The following DNAJC3 variants were observed in gnomAD, a reference collection of about 807,000 sequenced individuals.
The protein encoded by DNAJC3 is dnaJ homolog subfamily C member 3.
In DNAJC3, 38 loss-of-function variants were observed where a neutral mutation model predicts 68.6. The ratio of observed to expected loss-of-function variants is 0.55; its 90% CI spans 0.43 to 0.73. The LOEUF (loss-of-function observed/expected upper bound fraction) is 0.73. DNAJC3 is among the 30% of genes least tolerant of loss of function. The pLI, the probability that DNAJC3 is intolerant of heterozygous loss-of-function variation, is 0.00. For missense variants in DNAJC3, 526 were observed against 591.9 expected, an observed-to-expected ratio of 0.89 and a Z score of 1.16; for synonymous variants, 203 against 204.0, an observed-to-expected ratio of 1.00 and a Z score of 0.04.
chr13:95,762,737 T>C (rs1882862434), intron 7 of DNAJC3, among the ~76,000 whole-genome samples: 1 of 152,140 alleles, frequency 6.6e-6, no homozygotes, highest in South Asian at 2.1e-4. Context: ...CCCACATGCA[T>C]TAGCTATTTG....
chr13:95,716,989 C>T (rs1351525347), intron 2 of DNAJC3, among the ~76,000 whole-genome samples: 2 of 152,164 alleles, frequency 1.3e-5, no homozygotes, highest in Admixed American at 6.5e-5. Flanking sequence ...TCCCTGCCCC[C>T]CTCCCATATC....
At chr13:95,737,738 G>C (rs1320586174) in intron 4 of DNAJC3, among the ~76,000 whole-genome samples, 2 of 148,804 alleles carry the variant, frequency 1.3e-5, no homozygotes, top group African/African-American at 2.5e-5. Flanking sequence ...TCTTGCTAGT[G>C]GTCTATCAAT....
At chr13:95,690,899 C>G (rs1157878753) in intron 1 of DNAJC3, among the ~76,000 whole-genome samples, 1 of 129,176 alleles carries the variant, frequency 7.7e-6, no homozygotes, top group Non-Finnish European at 1.6e-5. Context: ...CCAGACGGGG[C>G]GGCTGGCCGG....
Position 95,746,765 on chromosome 13 carries a change from T to C in DNAJC3, c.394-10879T>C, listed in dbSNP as rs150258729. Among the ~76,000 whole-genome samples, 216 of 152,330 alleles carry C rather than the reference T, an allele frequency of 1.4e-3. 2 individuals are homozygous for C. Among genetic ancestry groups the C allele is most frequent in the Non-Finnish European group, 2.3e-3 (156 of 68,026 alleles). ...GGTGCTGGATACAGCCAGGTGGATA[T>C]GTTTAGCTACATTTTATATAAAAGA... On this transcript the variant is annotated intron_variant, in intron 4 of 11. Transcript: ENST00000602402.
chr13:95,756,424 A>C (rs1342092509), intron 4 of DNAJC3, among the ~76,000 whole-genome samples: 1 of 152,232 alleles, frequency 6.6e-6, no homozygotes. Flanking sequence ...GTTCTTCACA[A>C]GTCAAGGGTT....
Position 95,723,309 on chromosome 13 carries a change from A to G in DNAJC3, c.261A>G (p.Ser87=), listed in dbSNP as rs373858454. The G allele has an allele frequency of 6.5e-5, 105 of 1,611,750 alleles. 1 individual carries two copies. The highest frequency in any genetic ancestry group is 1.6e-4 in the Middle Eastern group (1 of 6,068). Residue 87 remains serine, a synonymous_variant, in exon 3 of 12, where the codon TCA becomes TCG. Coordinates refer to ENST00000602402, the MANE Select transcript of DNAJC3 (RefSeq NM_006260.5). ...RATVFLAMGK[S]KAALPDLTKV... ...CTGTCTTTTTAGCTATGGGCAAATC[A>G]AAAGCTGCACTTCCTGATTTAACTA...
At chr13:95,731,948 C>T (rs1281680483) in intron 4 of DNAJC3, among the ~76,000 whole-genome samples, 1 of 147,448 alleles carries the variant, frequency 6.8e-6, no homozygotes, top group East Asian at 2.0e-4. Flanking sequence ...CTTTGTTGCA[C>T]AGGCTGGTCT....
chr13:95,681,289 G>A (rs993535974), intron 1 of DNAJC3, among the ~76,000 whole-genome samples: 1 of 152,164 alleles, frequency 6.6e-6, no homozygotes, highest in Non-Finnish European at 1.5e-5. Context: ...TACCTTATAG[G>A]TAAACACGGA....
chr13:95,744,762 A>G (rs1398781966), intron 4 of DNAJC3: 3 of 152,232 alleles, frequency 2.0e-5, no homozygotes, highest in African/African-American at 7.2e-5. Context: ...GACAGAAGAT[A>G]AAAGAATATT....
chr13:95,704,851 G>GTGTTTTTTTTTTTTTTTTTTTTTTT (rs1555323371), intron 1 of DNAJC3, among the ~76,000 whole-genome samples: 8 of 97,856 alleles, frequency 8.2e-5, no homozygotes, highest in African/African-American at 4.8e-4. Flanking sequence ...GTGTGTGTGT[G>GTGTTTTTTTTTTTTTTTTTTTTTTT]TTTTTTTTTT....
intron 9 of DNAJC3, among the ~76,000 whole-genome samples, chr13:95,764,506 A>G (rs75802360): frequency 0.015 from 2,223 of 149,294 alleles, 60 homozygotes; most frequent in African/African-American, 0.052. Flanking sequence ...GACAGCTGCT[A>G]CCCTATTTTG....
At chr13:95,698,324 G>A (rs1316549255) in intron 1 of DNAJC3, among the ~76,000 whole-genome samples, 1 of 152,172 alleles carries the variant, frequency 6.6e-6, no homozygotes, top group Admixed American at 6.5e-5. Context: ...GATTCACTGT[G>A]TTGTTTCAGG....
intron 11 of DNAJC3, 68 bp downstream of exon 11, chr13:95,787,223 G>A: frequency 1.3e-6 from 2 of 1,559,624 alleles, no homozygotes; most frequent in Non-Finnish European, 1.7e-6. Flanking sequence ...GGAACATGTG[G>A]TGGGTTCTCC....
intron 1 of DNAJC3, among the ~76,000 whole-genome samples, chr13:95,706,680 A>G (rs1183829186): frequency 2.0e-5 from 3 of 152,026 alleles, no homozygotes; most frequent in Non-Finnish European, 4.4e-5. Context: ...ACAAGGGGGG[A>G]AAACTACTTC....
intron 1 of DNAJC3, 119 bp downstream of exon 1, chr13:95,677,456 G>A: frequency 9.5e-7 from 1 of 1,051,552 alleles, no homozygotes; most frequent in Non-Finnish European, 1.3e-6. Flanking sequence ...AGCGCTGGGG[G>A]AGCCCGCGGC....
chr13:95,751,243 A>G (rs9302084), intron 4 of DNAJC3, among the ~76,000 whole-genome samples: 79,811 of 152,056 alleles, frequency 0.52, 21,085 homozygotes, highest in East Asian at 0.65. Flanking sequence ...CTAATTTAAC[A>G]AAAAAGACAT....
At chr13:95,779,274 C>T (rs917040303) in intron 9 of DNAJC3, among the ~76,000 whole-genome samples, 2 of 151,812 alleles carry the variant, frequency 1.3e-5, no homozygotes, top group Non-Finnish European at 2.9e-5. Context: ...CAGGCGCCCG[C>T]CACCATACCC....
Position 95,760,234 on chromosome 13 carries a change from GAC to G in DNAJC3, c.728+19_728+20del, listed in dbSNP as rs1202581250. The G allele has an allele frequency of 6.5e-7, 1 of 1,528,904 alleles. No individual in the cohort carries two copies. The highest frequency in any genetic ancestry group is 2.1e-5 in the Admixed American group (1 of 47,410). The allele number at this position is 1,528,904 out of a possible 1,614,324, so 94.7% of individuals were successfully genotyped here. On this transcript the variant is annotated intron_variant, in intron 6 of 11. Transcript: ENST00000602402. Reference sequence around the variant, plus strand: ...AACTGTCCCTCAGGTCAGTTCTAGTGACACACATGTCTGATCTTTTTTAATTG... The same window carrying G: ...AACTGTCCCTCAGGTCAGTTCTAGTGACACATGTCTGATCTTTTTTAATTG...
rs74670365 is a variant in DNAJC3, at chr13:95,777,370, C to T, written c.1076-8569C>T. Among the ~76,000 whole-genome samples the T allele has an allele frequency of 2.0e-5, 3 of 152,130 alleles. No individual in the cohort carries two copies. In the East Asian group the frequency reaches 5.8e-4, roughly 29 times the overall value. On this transcript the variant is annotated intron_variant, in intron 9 of 11. Transcript: ENST00000602402. ...ATTCTCAGCCAGGCTGCCCTGGCACCCAGTGCACCTTTTCAGTCTAGATCC... is the reference window on the plus strand; with the variant it reads ...ATTCTCAGCCAGGCTGCCCTGGCACTCAGTGCACCTTTTCAGTCTAGATCC...
Sources: gnomAD v4.1 joint callset for allele counts (sites outside exome capture counted in the v4.1 genomes callset) on GRCh38, gnomAD v4.1.1 for gene constraint, MANE v1.5 for transcripts, NCBI Gene and HGNC (gene_info 2026-07-23, HGNC 2026-07-21) for gene names.